PCDHGA5: variants seen among roughly 807,000 people sequenced by gnomAD.
PCDHGA5 encodes the protein protocadherin gamma subfamily A, 5, also known as protocadherin gamma-A5.
Under a neutral mutation model 56.7 loss-of-function variants are expected in PCDHGA5, and 36 were observed. That is an observed-to-expected ratio of 0.64 (90% CI 0.49 to 0.84). The LOEUF (loss-of-function observed/expected upper bound fraction) is 0.84, where lower values mean the gene tolerates loss of function less well. Among genes scored for constraint, PCDHGA5 ranks in the 40% least tolerant of loss-of-function variants. PCDHGA5 has a pLI of 0.00. For synonymous variants in PCDHGA5, 563 were observed against 520.2 expected (o/e 1.08, Z -1.12); for missense variants, 1,305 against 1,201.5 (o/e 1.09, Z -1.27).
chr5:141,449,067 T>A lies in PCDHGA5; in HGVS notation c.2422-45740T>A, dbSNP rs547833131. On this transcript the variant is annotated intron_variant, in intron 1 of 3. Transcript: ENST00000518069. ...AGTCTCATAAATGAGCGCTATTGAA[T>A]AGCCCTGTACCTACATCAGTTTTTA... Among the ~76,000 whole-genome samples the A allele has an allele frequency of 3.3e-5, 5 of 152,342 alleles. No homozygotes were observed. In the East Asian group the frequency reaches 9.6e-4, roughly 29 times the overall value.
chr5:141,390,354 A>C (rs1031121162), intron 1 of PCDHGA5: 21 of 1,553,066 alleles, frequency 1.4e-5, no homozygotes, highest in Non-Finnish European at 1.6e-5. Context: ...AAATATACAT[A>C]TTTGCAGGAA....
intron 1 of PCDHGA5, among the ~76,000 whole-genome samples, chr5:141,464,827 C>T (rs529757361): frequency 1.5e-4 from 23 of 152,246 alleles, no homozygotes; most frequent in African/African-American, 4.6e-4. Flanking sequence ...TAGCCTCGCA[C>T]TCCTGGGCTC....
intron 1 of PCDHGA5, chr5:141,423,244 C>T: frequency 1.2e-6 from 2 of 1,613,984 alleles, no homozygotes; most frequent in Non-Finnish European, 1.7e-6. Context: ...CCCCGAAGTC[C>T]TGGCGGACCT....
chr5:141,389,524 G>T, intron 1 of PCDHGA5: 1 of 1,613,146 alleles, frequency 6.2e-7, no homozygotes, highest in Non-Finnish European at 8.5e-7. Context: ...GTGAGCCTGC[G>T]CGTGTTAGTG....
rs762801084 is a variant in PCDHGA5, at chr5:141,389,853, A to T, written c.2421+23102A>T. 5 of 1,614,050 alleles carry T rather than the reference A, an allele frequency of 3.1e-6. No homozygotes were observed. In the South Asian group the frequency reaches 5.5e-5, roughly 18 times the overall value. On this transcript the variant is annotated intron_variant, in intron 1 of 3. Transcript: ENST00000518069. The stretch of plus-strand genomic sequence containing the variant: ...ACAGCCACCACTCTCGGCCACTGCC[A>T]CGTTGCACCTGGTCTTCGCCGACAG...
At chr5:141,400,166 C>T (rs370071207) in intron 1 of PCDHGA5, 80 of 1,613,954 alleles carry the variant, frequency 5.0e-5, no homozygotes, top group South Asian at 7.7e-5. Context: ...CCCTCTGACC[C>T]CCAGGCTGAG....
At chr5:141,459,863 G>A (rs182099511) in intron 1 of PCDHGA5, among the ~76,000 whole-genome samples, 2 of 152,242 alleles carry the variant, frequency 1.3e-5, no homozygotes, top group East Asian at 1.9e-4. Context: ...TGAAGCATTC[G>A]TTCATCTTTA....
intron 1 of PCDHGA5, chr5:141,423,623 C>T (rs1391650851): frequency 6.2e-7 from 1 of 1,607,330 alleles, no homozygotes; most frequent in South Asian, 1.1e-5. Context: ...GAAGACTCAG[C>T]TATCATTTTA....
intron 3 of PCDHGA5, among the ~76,000 whole-genome samples, chr5:141,506,877 G>A (rs998146154): frequency 1.3e-5 from 2 of 152,142 alleles, no homozygotes; most frequent in Non-Finnish European, 2.9e-5. Flanking sequence ...AGAGAACCAG[G>A]TGAAATCACA....
intron 1 of PCDHGA5, among the ~76,000 whole-genome samples, chr5:141,472,015 T>C (rs2099269555): frequency 6.6e-6 from 1 of 152,164 alleles, no homozygotes; most frequent in African/African-American, 2.4e-5. Flanking sequence ...AGGGGCACTA[T>C]ATTGTATGTA....
chr5:141,418,946 G>T (rs2096305161), intron 1 of PCDHGA5: 1 of 1,613,900 alleles, frequency 6.2e-7, no homozygotes, highest in African/African-American at 1.3e-5. Context: ...TTCCCCTCCA[G>T]GAGTGGTTGT....
chr5:141,410,897 A>G (rs1276742953), intron 1 of PCDHGA5: 1 of 273,412 alleles, frequency 3.7e-6, no homozygotes, highest in African/African-American at 3.4e-5. Flanking sequence ...ACTGTTGCCT[A>G]GGCTGGAGTG....
intron 1 of PCDHGA5, chr5:141,384,235 A>C (rs1779874846): frequency 1.2e-6 from 2 of 1,613,774 alleles, no homozygotes; most frequent in Admixed American, 1.7e-5. Context: ...GGCAGACACC[A>C]ACGATAACCC....
chr5:141,431,162 G>C lies in PCDHGA5; in HGVS notation c.2422-63645G>C, dbSNP rs757521794. The C allele has an allele frequency of 3.1e-6, 5 of 1,614,246 alleles. No homozygotes were observed. The South Asian group carries it at 5.5e-5, about 18-fold the overall frequency. On this transcript the variant is annotated intron_variant, in intron 1 of 3. Coordinates refer to ENST00000518069, the MANE Select transcript of PCDHGA5 (RefSeq NM_018918.3). The surrounding 1 kb of genome is among the most constrained non-coding windows in gnomAD (Gnocchi z 4.8). Reference sequence around the variant, plus strand: ...TAACGACAATGCGCCTTACTTTCGTGAAAGTGAATTAGAAATAAAAATTAG... The same window carrying C: ...TAACGACAATGCGCCTTACTTTCGTCAAAGTGAATTAGAAATAAAAATTAG...
At chr5:141,458,509 CTTTG>C (rs1327998402) in intron 1 of PCDHGA5, among the ~76,000 whole-genome samples, 2 of 149,986 alleles carry the variant, frequency 1.3e-5, no homozygotes. Context: ...CTGTTTGACA[CTTTG>C]TTTTTTTTTT....
At position 141,405,002 on chromosome 5, in the gene PCDHGA5, C is replaced by T. The variant is rs2154535993; in HGVS notation, c.2421+38251C>T. ...GGGCAGTCTTCAGATCCCTGCAGAC[C>T]TGGAGGCCTCAGACCTTACCCTCTA... is the stretch of plus-strand genomic sequence containing the variant. On this transcript the variant is annotated intron_variant, in intron 1 of 3. Transcript: ENST00000518069. The T allele has an allele frequency of 1.9e-6, 3 of 1,613,870 alleles. No homozygotes were observed. In the East Asian group the frequency reaches 6.7e-5, roughly 36 times the overall value.
chr5:141,448,945 A>G (rs1288079348), intron 1 of PCDHGA5, among the ~76,000 whole-genome samples: 1 of 151,716 alleles, frequency 6.6e-6, no homozygotes, highest in Non-Finnish European at 1.5e-5. Context: ...ACTGCAACTC[A>G]AAAAAACAAA....
intron 1 of PCDHGA5, chr5:141,402,950 G>A (rs992704558): frequency 2.5e-6 from 4 of 1,596,662 alleles, no homozygotes; most frequent in Non-Finnish European, 3.4e-6. Flanking sequence ...AAGCGAGGCA[G>A]CAATGGCAGC....
chr5:141,475,862 T>G, intron 1 of PCDHGA5: 1 of 492,756 alleles, frequency 2.0e-6, no homozygotes, highest in Non-Finnish European at 3.6e-6. Context: ...GCTAGCTCAT[T>G]CTTCGTGCAG....
Sources: gnomAD v4.1 joint callset for allele counts (sites outside exome capture counted in the v4.1 genomes callset) on GRCh38, gnomAD v4.1.1 for gene constraint, Gnocchi (gnomAD v3.1) non-coding constraint, MANE v1.5 for transcripts, NCBI Gene and HGNC (gene_info 2026-07-23, HGNC 2026-07-21) for gene names.